RALGPS2: variants seen among roughly 807,000 people sequenced by gnomAD.
The protein encoded by RALGPS2 is Ral GEF with PH domain and SH3 binding motif 2, also known as ras-specific guanine nucleotide-releasing factor RalGPS2.
Under a neutral mutation model 86.8 loss-of-function variants are expected in RALGPS2, and 43 were observed. The observed-to-expected ratio is 0.50, with a 90% CI of 0.39 to 0.64. RALGPS2 has a LOEUF of 0.64. Ranked by LOEUF, RALGPS2 falls within the 30% of genes least tolerant of loss-of-function variation. The probability of loss-of-function intolerance (pLI) is 0.00; values close to 1 mark genes in which losing one functional copy is unlikely to be tolerated. For missense variants in RALGPS2, 536 were observed against 694.6 expected (o/e 0.77, Z 2.57); for synonymous variants, 243 against 231.3 (o/e 1.05, Z -0.46).
At chr1:178,780,586 T>A (rs1390003622) in intron 2 of RALGPS2, among the ~76,000 whole-genome samples, 2 of 152,184 alleles carry the variant, frequency 1.3e-5, no homozygotes, top group Non-Finnish European at 2.9e-5. Flanking sequence ...ATTTTTGGAT[T>A]TAACCCCTAC....
intron 7 of RALGPS2, among the ~76,000 whole-genome samples, chr1:178,827,687 G>A (rs549812333): frequency 6.6e-5 from 10 of 152,178 alleles, no homozygotes; most frequent in South Asian, 2.1e-4. Context: ...GAGCCACCGC[G>A]CCCGGCCCAT....
intron 17 of RALGPS2, among the ~76,000 whole-genome samples, chr1:178,900,990 A>C (rs1660149229): frequency 6.6e-6 from 1 of 152,110 alleles, no homozygotes; most frequent in South Asian, 2.1e-4. Context: ...ATGTCGAAGT[A>C]CATTATGAGC....
chr1:178,868,729 A>C (rs556200754), intron 8 of RALGPS2, among the ~76,000 whole-genome samples: 5 of 152,146 alleles, frequency 3.3e-5, no homozygotes, highest in Admixed American at 3.3e-4. Flanking sequence ...CTATAAGATT[A>C]AATCATAAGA....
chr1:178,809,984 G>C (rs1444151666), intron 5 of RALGPS2, among the ~76,000 whole-genome samples: 1 of 152,034 alleles, frequency 6.6e-6, no homozygotes. Flanking sequence ...GCAGTGGCAA[G>C]TGCCTGTAGT....
rs1553263494 is a variant in RALGPS2, at chr1:178,788,841, C to CTTTTCTTTTCT, written c.213+3237_213+3238insTCTTTTCTTTT. On this transcript the variant is annotated intron_variant, in intron 4 of 19. Transcript: ENST00000367635. The stretch of plus-strand genomic sequence containing the variant: ...TTCTTTTCTTTTGTTTTCTTTCTTT[C>CTTTTCTTTTCT]TTTCTTTTCTTTTCTTTTCTTTTCT... 2.6e-3 allele frequency among the ~76,000 whole-genome samples: 349 copies of CTTTTCTTTTCT among 132,478 alleles called. 1 individual carries two copies. The highest frequency in any genetic ancestry group is 9.0e-3 in the African/African-American group (308 of 34,284). 86.9% of individuals were successfully genotyped at this position (132,478 alleles called of 152,430 possible).
chr1:178,849,709 G>A (rs868413114), intron 8 of RALGPS2: 1 of 152,162 alleles, frequency 6.6e-6, no homozygotes, highest in East Asian at 1.9e-4. Flanking sequence ...CCACTATGAG[G>A]TTTGGATATT....
chr1:178,815,586 G>A (rs181371801), intron 6 of RALGPS2, among the ~76,000 whole-genome samples: 6 of 152,166 alleles, frequency 3.9e-5, no homozygotes, highest in South Asian at 4.1e-4. Flanking sequence ...CAAAAATACC[G>A]TTAACTAGGT....
chr1:178,881,730 C>G (rs1441001217), intron 10 of RALGPS2, among the ~76,000 whole-genome samples: 1 of 152,126 alleles, frequency 6.6e-6, no homozygotes, highest in Non-Finnish European at 1.5e-5. Context: ...GGATTACAGG[C>G]GTGAGCCACC....
chr1:178,801,272 T>C (rs1316525656), intron 4 of RALGPS2, among the ~76,000 whole-genome samples: 1 of 152,100 alleles, frequency 6.6e-6, no homozygotes, highest in Non-Finnish European at 1.5e-5. Context: ...TTTTGTTCAT[T>C]TGTTTAAGGT....
At chr1:178,914,190 A>G (rs549400217) in intron 19 of RALGPS2, among the ~76,000 whole-genome samples, 24 of 152,172 alleles carry the variant, frequency 1.6e-4, no homozygotes, top group African/African-American at 5.1e-4. Context: ...CTAGAGGAGT[A>G]TGAAGAGCCT....
chr1:178,751,516 C>T (rs1651657070), intron 1 of RALGPS2, among the ~76,000 whole-genome samples: 1 of 152,114 alleles, frequency 6.6e-6, no homozygotes, highest in African/African-American at 2.4e-5. Context: ...CCTCTTTAAG[C>T]CTCCTTTTCT....
chr1:178,734,290 A>G (rs138779938), intron 1 of RALGPS2, among the ~76,000 whole-genome samples: 164 of 152,344 alleles, frequency 1.1e-3, no homozygotes, highest in African/African-American at 3.6e-3. Context: ...TTGGAAGACC[A>G]TGTGGCACTT....
rs962225855 is a variant in RALGPS2, at chr1:178,776,720, T to A, written c.-45T>A. The stretch of plus-strand genomic sequence containing the variant: ...GTGGCCTTGGACATGAGGCAGTCAG[T>A]CCTCTGTTGCTGTTAACATAAGGTC... On this transcript the variant is annotated 5_prime_UTR_variant, in exon 2 of 20. Coordinates refer to ENST00000367635, the MANE Select transcript of RALGPS2 (RefSeq NM_152663.5). 1.3e-6 allele frequency: 2 copies of A among 1,482,402 alleles called. No individual in the cohort carries two copies. The highest frequency in any genetic ancestry group is 1.4e-5 in the African/African-American group (1 of 71,298). The allele number at this position is 1,482,402 out of a possible 1,614,324, so 91.8% of individuals were successfully genotyped here. A position where few individuals can be genotyped will look rare whatever the true frequency, so the allele number is the denominator to read the frequency against.
chr1:178,811,494 T>G (rs888584756), intron 6 of RALGPS2, 90 bp downstream of exon 6: 2 of 942,658 alleles, frequency 2.1e-6, no homozygotes, highest in African/African-American at 3.5e-5. Flanking sequence ...ATTCACTGTT[T>G]ATTGATACTG....
chr1:178,900,336 TC>T (rs1173736990), intron 17 of RALGPS2, among the ~76,000 whole-genome samples: 1 of 151,986 alleles, frequency 6.6e-6, no homozygotes. Flanking sequence ...GTGATCAACC[TC>T]ACTTACTATT....
chr1:178,862,293 A>G (rs1437704141), intron 8 of RALGPS2, among the ~76,000 whole-genome samples: 1 of 152,214 alleles, frequency 6.6e-6, no homozygotes, highest in Non-Finnish European at 1.5e-5. Context: ...AATTACTTTC[A>G]TGAGGGTCTT....
intron 8 of RALGPS2, among the ~76,000 whole-genome samples, chr1:178,838,341 T>C (rs1389085989): frequency 6.6e-6 from 1 of 152,136 alleles, no homozygotes; most frequent in Non-Finnish European, 1.5e-5. Context: ...AGAGGAACAA[T>C]CAGGCAGCAA....
At chr1:178,798,323 A>G (rs1654302946) in intron 4 of RALGPS2, among the ~76,000 whole-genome samples, 1 of 152,182 alleles carries the variant, frequency 6.6e-6, no homozygotes, top group Admixed American at 6.5e-5. Flanking sequence ...AAGTGTTGAG[A>G]GTATCTGCTG....
chr1:178,819,659 C>G (rs1244468374), intron 6 of RALGPS2, among the ~76,000 whole-genome samples: 1 of 152,154 alleles, frequency 6.6e-6, no homozygotes, highest in Non-Finnish European at 1.5e-5. Flanking sequence ...TACTTTATTG[C>G]TAGCTTTACA....
Sources: allele counts gnomAD v4.1 joint callset (sites outside exome capture counted in the v4.1 genomes callset), GRCh38; gene constraint gnomAD v4.1.1; transcripts MANE v1.5; gene names NCBI Gene and HGNC (gene_info 2026-07-23, HGNC 2026-07-21).